Variants in NOTCH2NLB observed in about 807,000 individuals in gnomAD.
The protein encoded by NOTCH2NLB is notch 2 N-terminal like B.
In NOTCH2NLB, 1 loss-of-function variant was observed where a neutral mutation model predicts 14.8. The observed-to-expected ratio is 0.07, with a 90% confidence interval of 0.02 to 0.32. NOTCH2NLB has a LOEUF of 0.32. Ranked by LOEUF, NOTCH2NLB falls within the 10% of genes least tolerant of loss-of-function variation. The pLI is 1.00. For synonymous variants in NOTCH2NLB, 6 were observed against 57.5 expected (o/e 0.10, Z 4.05); for missense variants, 11 against 155.0 (o/e 0.07, Z 4.93).
At chr1:148,610,323 GAGAAAGAAAGAA>G (rs1294416962) in intron 3 of NOTCH2NLB, among the ~76,000 whole-genome samples, 207 of 45,538 alleles carry the variant, frequency 4.5e-3, no homozygotes, top group East Asian at 0.011. Context: ...GAGAAAGAGA[GAGAAAGAAAGAA>G]AGAAAGAAAG....
At chr1:148,658,550 C>CTTTTTTTTTTTTTTTTTTTTT (rs1194273075) in intron 1 of NOTCH2NLB, among the ~76,000 whole-genome samples, 1 of 38,574 alleles carries the variant, frequency 2.6e-5, no homozygotes. Flanking sequence ...CCCAATACCA[C>CTTTTTTTTTTTTTTTTTTTTT]TTTTTTTTTT....
At chr1:148,670,421 A>G (rs1338834751) in intron 1 of NOTCH2NLB, among the ~76,000 whole-genome samples, 2 of 145,932 alleles carry the variant, frequency 1.4e-5, no homozygotes. Context: ...AGATTAAGTA[A>G]TATTTACCAC....
At chr1:148,651,162 A>ATATATATACATATATATATATAT (rs1325402394) in intron 1 of NOTCH2NLB, among the ~76,000 whole-genome samples, 1 of 46,026 alleles carries the variant, frequency 2.2e-5, no homozygotes, top group East Asian at 9.1e-4. Context: ...AAAAAAAAAA[A>ATATATATACATATATATATATAT]ATATATATAT....
intron 1 of NOTCH2NLB, among the ~76,000 whole-genome samples, chr1:148,661,512 A>T (rs1664683774): frequency 6.7e-6 from 1 of 148,904 alleles, no homozygotes; most frequent in Non-Finnish European, 1.5e-5. Flanking sequence ...GTGAATAAAA[A>T]TTATAATACA....
intron 2 of NOTCH2NLB, among the ~76,000 whole-genome samples, chr1:148,634,274 C>T (rs1190781210): frequency 4.7e-5 from 7 of 149,520 alleles, no homozygotes; most frequent in African/African-American, 7.3e-5. Flanking sequence ...AAATAGGCAC[C>T]GTACTTGAAG....
chr1:148,703,070 C>A, the NOTCH2NLB span, among the ~76,000 whole-genome samples: 1 of 30,696 alleles, frequency 3.3e-5, no homozygotes, highest in Non-Finnish European at 7.5e-5. Flanking sequence ...CGAGATTGCG[C>A]CACTGCACTC....
intron 1 of NOTCH2NLB, among the ~76,000 whole-genome samples, chr1:148,670,541 T>TAG (rs1664750568): frequency 1.6e-5 from 1 of 62,466 alleles, no homozygotes; most frequent in Non-Finnish European, 2.6e-5. Flanking sequence ...AAAAAAAAAA[T>TAG]ATATATATAT....
the NOTCH2NLB span, among the ~76,000 whole-genome samples, chr1:148,708,113 G>T: frequency 3.1e-5 from 2 of 65,348 alleles, 1 homozygote; most frequent in Admixed American, 3.0e-4. Flanking sequence ...TTGCATGTGC[G>T]TGTATGTATA....
chr1:148,651,135 T>G, intron 1 of NOTCH2NLB, among the ~76,000 whole-genome samples: 1 of 94,156 alleles, frequency 1.1e-5, no homozygotes, highest in Non-Finnish European at 2.0e-5. Context: ...ACAGCAAGAC[T>G]CTGCCTGAGA....
intron 1 of NOTCH2NLB, among the ~76,000 whole-genome samples, chr1:148,661,544 A>G (rs1175127578): frequency 1.3e-5 from 2 of 149,786 alleles, no homozygotes; most frequent in East Asian, 1.9e-4. Context: ...CTATGAAAAA[A>G]TTGTATGTAT....
chr1:148,633,191 T>C lies in NOTCH2NLB; in HGVS notation c.77+6825A>G, dbSNP rs1213144634. 6.3e-5 allele frequency among the ~76,000 whole-genome samples: 8 copies of C among 127,246 alleles called. 3 individuals are homozygous for C. Among genetic ancestry groups the C allele is most frequent in the Admixed American group, 2.2e-4 (3 of 13,376 alleles). The allele number at this position is 127,246 out of a possible 152,430, so 83.5% of individuals were successfully genotyped here. ...TAATGTTAGCTAGCATTATAGACTT[T>C]AACTTGCCAAAGATCCAATTGTTAA... On this transcript the variant is annotated intron_variant, in intron 2 of 4. Transcript: ENST00000593495.
chr1:148,620,838 CTG>C (rs1333437868), intron 2 of NOTCH2NLB, among the ~76,000 whole-genome samples: 1 of 151,904 alleles, frequency 6.6e-6, no homozygotes, highest in Non-Finnish European at 1.5e-5. Flanking sequence ...AGTACAGACT[CTG>C]GAACCAGACC....
At chr1:148,637,925 T>C (rs1664248118) in intron 2 of NOTCH2NLB, among the ~76,000 whole-genome samples, 2 of 148,330 alleles carry the variant, frequency 1.3e-5, no homozygotes, top group South Asian at 4.3e-4. Context: ...CATTAACTCA[T>C]TCTTTTTTAT....
intron 1 of NOTCH2NLB, among the ~76,000 whole-genome samples, chr1:148,673,776 G>C (rs1331904806): frequency 2.7e-5 from 4 of 149,722 alleles, no homozygotes; most frequent in Non-Finnish European, 6.0e-5. Flanking sequence ...AAAGCAACCT[G>C]TCTCTAATAC....
chr1:148,661,594 A>C (rs1413552610), intron 1 of NOTCH2NLB, among the ~76,000 whole-genome samples: 1 of 150,094 alleles, frequency 6.7e-6, no homozygotes, highest in East Asian at 1.9e-4. Flanking sequence ...CCCTTCTATC[A>C]AAGCTCTTCT....
chr1:148,608,195 C>T (rs1426559652), intron 3 of NOTCH2NLB, among the ~76,000 whole-genome samples: 1 of 135,766 alleles, frequency 7.4e-6, no homozygotes, highest in East Asian at 2.0e-4. Context: ...AAGACCAGCC[C>T]AGCCAATATG....
chr1:148,651,151 A>AT (rs1664494729), intron 1 of NOTCH2NLB, among the ~76,000 whole-genome samples: 1 of 80,056 alleles, frequency 1.2e-5, no homozygotes, highest in Admixed American at 1.2e-4. Context: ...TGAGAAAAAA[A>AT]AAAAAAAAAA....
the NOTCH2NLB span, among the ~76,000 whole-genome samples, chr1:148,686,717 C>T: frequency 5.4e-4 from 59 of 109,728 alleles, no homozygotes; most frequent in East Asian, 2.1e-3. Flanking sequence ...AGAAGACAAC[C>T]TTTAAGATTA....
downstream of NOTCH2NLB, among the ~76,000 whole-genome samples, chr1:148,605,335 A>G (rs2149596164): frequency 1.4e-5 from 2 of 141,594 alleles, 1 homozygote; most frequent in South Asian, 4.5e-4. Context: ...TTGAGCTAAT[A>G]AGCATGGAAG....
Sources: gnomAD v4.1 joint callset for allele counts (sites outside exome capture counted in the v4.1 genomes callset) on GRCh38, gnomAD v4.1.1 for gene constraint, MANE v1.5 for transcripts, NCBI Gene and HGNC (gene_info 2026-07-23, HGNC 2026-07-21) for gene names.